Variants in IGSF21 observed in about 807,000 individuals in gnomAD.
IGSF21 encodes the protein immunoglobulin superfamily member 21.
Under a neutral mutation model 46.8 loss-of-function variants are expected in IGSF21, and 28 were observed. The ratio of observed to expected loss-of-function variants is 0.60; its 90% CI spans 0.44 to 0.82. The LOEUF is 0.82. IGSF21 is among the 40% of genes least tolerant of loss of function. IGSF21 has a pLI of 0.00. For synonymous variants in IGSF21, 284 were observed against 273.6 expected (o/e 1.04, Z -0.38); for missense variants, 624 against 665.5 (o/e 0.94, Z 0.69).
intron 1 of IGSF21, among the ~76,000 whole-genome samples, chr1:18,208,215 C>A: frequency 6.6e-6 from 1 of 151,140 alleles, no homozygotes; most frequent in Non-Finnish European, 1.5e-5. Flanking sequence ...TGAAAGCAAC[C>A]TTCACCTTCT....
chr1:18,304,482 C>G (rs2085391897), intron 3 of IGSF21, among the ~76,000 whole-genome samples: 2 of 152,146 alleles, frequency 1.3e-5, no homozygotes, highest in Admixed American at 6.6e-5. Context: ...CCTGAGAAAC[C>G]AAGGCCCAGA....
chr1:18,354,018 C>T (rs1178518291), intron 4 of IGSF21, among the ~76,000 whole-genome samples: 2 of 152,196 alleles, frequency 1.3e-5, no homozygotes, highest in African/African-American at 4.8e-5. Flanking sequence ...AGACAAAGCT[C>T]CAACTTCCAG....
intron 1 of IGSF21, among the ~76,000 whole-genome samples, chr1:18,136,899 T>G (rs1211538962): frequency 6.6e-6 from 1 of 152,230 alleles, no homozygotes; most frequent in African/African-American, 2.4e-5. Flanking sequence ...GCATGGAATG[T>G]TCTTCCATTT....
chr1:18,303,092 C>T (rs1482939182), intron 3 of IGSF21, among the ~76,000 whole-genome samples: 1 of 152,128 alleles, frequency 6.6e-6, no homozygotes, highest in Non-Finnish European at 1.5e-5. Flanking sequence ...CCCCAACCAC[C>T]AAGGATGGGT....
In IGSF21 at chr1:18,256,846, T is replaced by C. The variant is rs185547552; in HGVS notation, c.183+28836T>C. 7.9e-4 allele frequency among the ~76,000 whole-genome samples: 121 copies of C among 152,344 alleles called. No individual in the cohort carries two copies. In the South Asian group the frequency reaches 8.9e-3, roughly 11 times the overall value. ...AATCCCCTCTTCCTCCATCTTTTAGTACCAGGGACATGGAGACCAGGTCCC... is the reference window on the plus strand; with the variant it reads ...AATCCCCTCTTCCTCCATCTTTTAGCACCAGGGACATGGAGACCAGGTCCC... On this transcript the variant is annotated intron_variant, in intron 2 of 9. Coordinates refer to ENST00000251296, the MANE Select transcript of IGSF21 (RefSeq NM_032880.5).
rs1338231594 is a variant in IGSF21, at chr1:18,270,779, C to A, written c.184-21087C>A. 1.0e-3 allele frequency among the ~76,000 whole-genome samples: 148 copies of A among 144,192 alleles called. 1 individual carries two copies. The highest frequency in any genetic ancestry group is 3.6e-3 in the African/African-American group (141 of 39,526). 94.6% of individuals were successfully genotyped at this position (144,192 alleles called of 152,430 possible). A position where few individuals can be genotyped will look rare whatever the true frequency, so the allele number is the denominator to read the frequency against. On this transcript the variant is annotated intron_variant, in intron 2 of 9. Coordinates refer to ENST00000251296, the MANE Select transcript of IGSF21 (RefSeq NM_032880.5). ...TTCACATCAGTGTCCATCAGAGATT[C>A]AAAAAAAAAAAGGAAACTACCCAAA...
intron 2 of IGSF21, among the ~76,000 whole-genome samples, chr1:18,279,960 AG>A (rs1250914425): frequency 6.6e-6 from 1 of 152,224 alleles, no homozygotes; most frequent in Non-Finnish European, 1.5e-5. Flanking sequence ...TGGCACAGCA[AG>A]GGCCCTCTCC....
At chr1:18,293,526 C>T (rs553115867) in intron 3 of IGSF21, among the ~76,000 whole-genome samples, 8 of 152,224 alleles carry the variant, frequency 5.3e-5, no homozygotes, top group Admixed American at 1.3e-4. Context: ...TGTGAACAGC[C>T]GCACAAACTC....
intron 6 of IGSF21, among the ~76,000 whole-genome samples, chr1:18,368,713 C>T (rs1244985860): frequency 1.3e-5 from 2 of 152,114 alleles, no homozygotes; most frequent in Non-Finnish European, 2.9e-5. Flanking sequence ...GCAGCCTCCA[C>T]CCTTTACCTG....
chr1:18,176,493 C>T (rs1557572725), intron 1 of IGSF21, among the ~76,000 whole-genome samples: 1 of 152,172 alleles, frequency 6.6e-6, no homozygotes, highest in Non-Finnish European at 1.5e-5. Flanking sequence ...CAGTCAAGCC[C>T]AGAACTGTTG....
chr1:18,325,218 C>A (rs754530186), intron 3 of IGSF21, among the ~76,000 whole-genome samples: 3 of 152,188 alleles, frequency 2.0e-5, no homozygotes, highest in African/African-American at 7.2e-5. Flanking sequence ...TTTCTGGCAG[C>A]CCCTGGTGTT....
At chr1:18,259,265 A>G (rs1021824792) in intron 2 of IGSF21, among the ~76,000 whole-genome samples, 8 of 152,154 alleles carry the variant, frequency 5.3e-5, no homozygotes, top group African/African-American at 1.4e-4. Context: ...CTGATGCTGA[A>G]TGGGGCCACT....
intron 4 of IGSF21, 125 bp from the exon 5 acceptor site, chr1:18,361,990 T>C: frequency 1.6e-6 from 1 of 639,400 alleles, no homozygotes. Flanking sequence ...CCCTGGAGTT[T>C]GGCAACACCT....
intron 3 of IGSF21, among the ~76,000 whole-genome samples, chr1:18,329,028 GCT>G (rs1317279522): frequency 6.6e-6 from 1 of 152,184 alleles, no homozygotes; most frequent in Non-Finnish European, 1.5e-5. Context: ...AAAACATATG[GCT>G]CTCATTACCT....
intron 1 of IGSF21, among the ~76,000 whole-genome samples, chr1:18,158,905 G>A (rs74055921): frequency 2.6e-3 from 389 of 152,348 alleles, no homozygotes; most frequent in African/African-American, 9.1e-3. Flanking sequence ...AATGTAGGGT[G>A]TGTGGGAGAG....
At chr1:18,328,105 A>G (rs904335916) in intron 3 of IGSF21, among the ~76,000 whole-genome samples, 2 of 152,204 alleles carry the variant, frequency 1.3e-5, no homozygotes, top group Non-Finnish European at 2.9e-5. Context: ...TTCCAGAGAA[A>G]AGGTGTCTTT....
intron 4 of IGSF21, among the ~76,000 whole-genome samples, chr1:18,358,445 A>G (rs1004390944): frequency 1.3e-5 from 2 of 152,246 alleles, no homozygotes; most frequent in African/African-American, 4.8e-5. Flanking sequence ...TCTGTTTTAC[A>G]CTTACAGCAC....
intron 1 of IGSF21, among the ~76,000 whole-genome samples, chr1:18,209,621 ATTT>A (rs35745482): frequency 4.5e-5 from 6 of 133,820 alleles, no homozygotes; most frequent in African/African-American, 5.6e-5. Context: ...CACCTGGCTA[ATTT>A]TTTTTTTTTT....
intron 2 of IGSF21, among the ~76,000 whole-genome samples, chr1:18,274,350 G>A (rs1283348758): frequency 6.6e-6 from 1 of 152,236 alleles, no homozygotes; most frequent in Admixed American, 6.5e-5. Flanking sequence ...GGCCAGAAGA[G>A]GAGAAACTGA....
Sources: allele counts gnomAD v4.1 joint callset (sites outside exome capture counted in the v4.1 genomes callset), GRCh38; gene constraint gnomAD v4.1.1; transcripts MANE v1.5; gene names NCBI Gene and HGNC (gene_info 2026-07-23, HGNC 2026-07-21).